The following CLEC16A variants were observed in gnomAD, a reference collection of about 807,000 sequenced individuals.
The protein encoded by CLEC16A is protein CLEC16A.
CLEC16A carries 51 observed loss-of-function variants against 109.5 expected under a neutral mutation model. That is an observed-to-expected ratio of 0.47 (90% CI 0.37 to 0.59). The LOEUF (loss-of-function observed/expected upper bound fraction) is 0.59. CLEC16A is among the 20% of genes least tolerant of loss of function. The pLI is 0.00. For missense variants in CLEC16A, 1,339 were observed against 1,394.0 expected, an observed-to-expected ratio of 0.96 and a Z score of 0.63; for synonymous variants, 673 against 564.2, an observed-to-expected ratio of 1.19 and a Z score of -2.73.
intron 19 of CLEC16A, among the ~76,000 whole-genome samples, chr16:11,079,206 T>A (rs1421559660): frequency 6.6e-6 from 1 of 152,192 alleles, no homozygotes; most frequent in Non-Finnish European, 1.5e-5. Context: ...GCACTGAAAC[T>A]CCAGCCATCC....
chr16:11,158,914 C>G (rs1460492971), intron 22 of CLEC16A, among the ~76,000 whole-genome samples: 1 of 86,298 alleles, frequency 1.2e-5, no homozygotes, highest in Admixed American at 9.9e-5. Context: ...AGCGAGACTC[C>G]AGCTCAGGGA....
rs573025857 is a variant in CLEC16A at position 11,050,001 on chromosome 16, A to G, written c.1867-1512A>G. Among the ~76,000 whole-genome samples, 26 of 152,354 alleles carry G rather than the reference A, an allele frequency of 1.7e-4. No homozygotes were observed. The East Asian group carries it at 4.6e-3, about 27-fold the overall frequency. ...TGGCCCATTCACCGGGTGTCTCAGT[A>G]TGTTTTCTGCAGCTATAACAGAATA... is the stretch of plus-strand genomic sequence containing the variant. On this transcript the variant is annotated intron_variant, in intron 17 of 23. Transcript: ENST00000409790.
chr16:11,162,662 C>T (rs548422535), intron 22 of CLEC16A, among the ~76,000 whole-genome samples: 2 of 152,248 alleles, frequency 1.3e-5, no homozygotes, highest in South Asian at 2.1e-4. Context: ...TCATTGACTC[C>T]ATCTTGAGCA....
chr16:10,946,438 T>C (rs2041378462), intron 1 of CLEC16A, among the ~76,000 whole-genome samples: 1 of 152,142 alleles, frequency 6.6e-6, no homozygotes, highest in Admixed American at 6.5e-5. Context: ...AGGGGCACTT[T>C]TAGAGCAGGA....
At chr16:11,126,878 T>G (rs2052863353) in intron 22 of CLEC16A, 1 of 152,272 alleles carries the variant, frequency 6.6e-6, no homozygotes, top group Admixed American at 6.5e-5. Context: ...CATATAGGGC[T>G]TCAAACTTAA....
intron 18 of CLEC16A, chr16:11,056,906 A>T (rs2048240939): frequency 6.6e-6 from 1 of 152,102 alleles, no homozygotes; most frequent in African/African-American, 2.4e-5. Flanking sequence ...GAAGTTTTTC[A>T]TGTTGTCACA....
At chr16:11,169,692 C>T (rs887550824) in intron 23 of CLEC16A, among the ~76,000 whole-genome samples, 10 of 152,214 alleles carry the variant, frequency 6.6e-5, no homozygotes, top group Admixed American at 1.3e-4. Context: ...CTCTAGCCCA[C>T]GGTTTTGAAC....
intron 4 of CLEC16A, 65 bp downstream of exon 4, chr16:10,969,374 T>A (rs1216568523): frequency 3.0e-6 from 3 of 988,932 alleles, no homozygotes; most frequent in Non-Finnish European, 4.4e-6. Flanking sequence ...TTTTTTTTTT[T>A]ACGGCAGCGC....
intron 7 of CLEC16A, 149 bp from the exon 8 acceptor site, chr16:10,977,076 C>G: frequency 1.4e-6 from 1 of 695,808 alleles, no homozygotes; most frequent in Non-Finnish European, 2.3e-6. Flanking sequence ...CCTTGTATAT[C>G]TCCCCAGTAG....
intron 19 of CLEC16A, among the ~76,000 whole-genome samples, chr16:11,120,162 GA>G (rs2052300015): frequency 6.6e-6 from 1 of 152,162 alleles, no homozygotes; most frequent in South Asian, 2.1e-4. Flanking sequence ...GTAGAGACAG[GA>G]TTTCACCATG....
chr16:10,987,769 G>T lies in CLEC16A; in HGVS notation c.1071+4778G>T, dbSNP rs1358766918. Among the ~76,000 whole-genome samples, 5 of 152,264 alleles carry T rather than the reference G, an allele frequency of 3.3e-5. No homozygotes were observed. The South Asian group carries it at 8.3e-4, about 25-fold the overall frequency. On this transcript the variant is annotated intron_variant, in intron 10 of 23. Transcript: ENST00000409790. ...CGAGAACAGACTCCTATTGTTTCCT[G>T]CCCAACTCGGATGTGGTTTGATTAT...
At chr16:11,175,782 A>T (rs1433908820) in intron 23 of CLEC16A, among the ~76,000 whole-genome samples, 1 of 152,210 alleles carries the variant, frequency 6.6e-6, no homozygotes, top group Non-Finnish European at 1.5e-5. Flanking sequence ...TCTTTTTGAT[A>T]TATTTGCCTA....
intron 13 of CLEC16A, chr16:11,027,196 A>G (rs2046456642): frequency 1.4e-6 from 2 of 1,399,542 alleles, no homozygotes; most frequent in African/African-American, 1.4e-5. Flanking sequence ...TTCCTACATG[A>G]TTACTGGCAG....
At chr16:11,086,718 T>G (rs1323093286) in intron 19 of CLEC16A, among the ~76,000 whole-genome samples, 1 of 152,106 alleles carries the variant, frequency 6.6e-6, no homozygotes, top group Non-Finnish European at 1.5e-5. Context: ...AATTTTTATA[T>G]TTTTAGTAGA....
At chr16:11,141,612 G>T (rs2053833714) in intron 22 of CLEC16A, among the ~76,000 whole-genome samples, 1 of 152,272 alleles carries the variant, frequency 6.6e-6, no homozygotes, top group Non-Finnish European at 1.5e-5. Context: ...ACGCATGTCT[G>T]TCCAAGCTCC....
At chr16:10,976,219 G>A (rs2043024377) in intron 7 of CLEC16A, among the ~76,000 whole-genome samples, 1 of 152,080 alleles carries the variant, frequency 6.6e-6, no homozygotes, top group Admixed American at 6.5e-5. Flanking sequence ...GTAATGAGCT[G>A]TGCTCATGCC....
rs750893355 is a variant in CLEC16A at position 11,120,449 on chromosome 16, C to T, written c.2117-166C>T. Reference sequence around the variant, plus strand: ...GTCCAGAGAGGAAAAGAAACTTTCCCGGCATAACTGTCAGAGAAGGGACTC... The same window carrying T: ...GTCCAGAGAGGAAAAGAAACTTTCCTGGCATAACTGTCAGAGAAGGGACTC... On this transcript the variant is annotated intron_variant, in intron 19 of 23. Coordinates refer to ENST00000409790, the MANE Select transcript of CLEC16A (RefSeq NM_015226.3). Among the ~76,000 whole-genome samples the T allele has an allele frequency of 4.6e-5, 7 of 152,144 alleles. 1 individual carries two copies. The East Asian group carries it at 1.3e-3, about 29-fold the overall frequency.
chr16:11,016,902 ACT>A (rs1483364353), intron 11 of CLEC16A, among the ~76,000 whole-genome samples: 2 of 150,156 alleles, frequency 1.3e-5, no homozygotes, highest in Non-Finnish European at 2.9e-5. Flanking sequence ...CCTGTGGGAG[ACT>A]CTGATCTTTG....
chr16:11,116,656 C>T (rs574629697), intron 19 of CLEC16A, among the ~76,000 whole-genome samples: 57 of 152,216 alleles, frequency 3.7e-4, no homozygotes, highest in Admixed American at 2.0e-3. Context: ...TTTACCTGTG[C>T]TTTTAGATCA....
Sources: gnomAD v4.1 joint callset for allele counts (sites outside exome capture counted in the v4.1 genomes callset) on GRCh38, gnomAD v4.1.1 for gene constraint, MANE v1.5 for transcripts, NCBI Gene and HGNC (gene_info 2026-07-23, HGNC 2026-07-21) for gene names.